The following SOX5 variants were observed in gnomAD, a reference collection of about 807,000 sequenced individuals.
SOX5 encodes SRY-box transcription factor 5.
Under a neutral mutation model 92.0 loss-of-function variants are expected in SOX5, and 9 were observed. The ratio of observed to expected loss-of-function variants is 0.10; its 90% CI spans 0.06 to 0.17. The LOEUF is 0.17. Ranked by LOEUF, SOX5 falls within the 10% of genes least tolerant of loss-of-function variation. The pLI, the probability that SOX5 is intolerant of heterozygous loss-of-function variation, is 1.00. For missense variants in SOX5, 642 were observed against 944.5 expected (o/e 0.68, Z 4.20); for synonymous variants, 344 against 336.3 (o/e 1.02, Z -0.25).
chr12:23,876,041 T>A (rs1054205101), intron 2 of SOX5, among the ~76,000 whole-genome samples: 1 of 152,210 alleles, frequency 6.6e-6, no homozygotes, highest in African/African-American at 2.4e-5. Context: ...CAGCAAGTTG[T>A]AGTTTGTTGA....
At chr12:23,799,727 T>C (rs2095628483) in intron 3 of SOX5, among the ~76,000 whole-genome samples, 1 of 152,024 alleles carries the variant, frequency 6.6e-6, no homozygotes, top group Non-Finnish European at 1.5e-5. Context: ...ATTTTCAGTA[T>C]TATTAATACT....
intron 2 of SOX5, among the ~76,000 whole-genome samples, chr12:24,349,912 G>T (rs1418074125): frequency 6.6e-6 from 1 of 152,064 alleles, no homozygotes; most frequent in Non-Finnish European, 1.5e-5. Context: ...CAGTGCATAC[G>T]AGTTCCAATT....
At chr12:24,373,694 A>T (rs920506532) in intron 1 of SOX5, among the ~76,000 whole-genome samples, 1 of 152,248 alleles carries the variant, frequency 6.6e-6, no homozygotes, top group African/African-American at 2.4e-5. Flanking sequence ...ATAGATATCT[A>T]TATGTAAGTA....
At chr12:24,222,157 T>C (rs535418947) in intron 3 of SOX5, among the ~76,000 whole-genome samples, 203 of 152,028 alleles carry the variant, frequency 1.3e-3, no homozygotes, top group Non-Finnish European at 2.5e-3. Flanking sequence ...GCTCCTCTTT[T>C]CCCCCCCACC....
chr12:23,916,134 T>C (rs2097413770), intron 1 of SOX5, among the ~76,000 whole-genome samples: 1 of 152,212 alleles, frequency 6.6e-6, no homozygotes, highest in Non-Finnish European at 1.5e-5. Flanking sequence ...TCAATCTATG[T>C]AGCTATTTAG....
chr12:23,751,101 T>G (rs2094167246), intron 4 of SOX5, among the ~76,000 whole-genome samples: 1 of 151,874 alleles, frequency 6.6e-6, no homozygotes. Flanking sequence ...AAAACAAGCT[T>G]AGTTAGATTA....
chr12:23,993,468 G>A (rs1479746957), intron 4 of SOX5, among the ~76,000 whole-genome samples: 2 of 152,112 alleles, frequency 1.3e-5, no homozygotes, highest in Non-Finnish European at 2.9e-5. Context: ...AGTCAATGCT[G>A]TAAAAGGAGA....
intron 2 of SOX5, among the ~76,000 whole-genome samples, chr12:24,296,687 G>A (rs546142186): frequency 2.5e-4 from 38 of 151,996 alleles, no homozygotes; most frequent in Non-Finnish European, 5.0e-4. Context: ...CAAATGTCAG[G>A]GCAGTGAAAG....
chr12:24,358,325 A>G (rs1361401629), intron 2 of SOX5, among the ~76,000 whole-genome samples: 1 of 152,234 alleles, frequency 6.6e-6, no homozygotes, highest in East Asian at 1.9e-4. Flanking sequence ...CCTTTTACCA[A>G]TAAGAAGCCT....
At chr12:24,005,909 T>C (rs1319385426) in intron 4 of SOX5, among the ~76,000 whole-genome samples, 2 of 152,226 alleles carry the variant, frequency 1.3e-5, no homozygotes, top group East Asian at 3.8e-4. Context: ...TGTATATTTA[T>C]TGCAGAAGCT....
At position 24,111,159 on chromosome 12, in the gene SOX5, C is replaced by T. The variant is rs77823209; in HGVS notation, c.-2+102184G>A. Among the ~76,000 whole-genome samples, 876 of 151,910 alleles carry T rather than the reference C, an allele frequency of 5.8e-3. 9 individuals carry two copies. The highest frequency in any genetic ancestry group is 0.02 in the African/African-American group (827 of 41,390). On this transcript the variant is annotated intron_variant, in intron 4 of 4. Transcript: ENST00000446891. The stretch of plus-strand genomic sequence containing the variant: ...ATGTCTCCAGACATTGCCAAATGTC[C>T]CACGGGAGGTAAAAATCACCCCCCA...
intron 2 of SOX5, among the ~76,000 whole-genome samples, chr12:24,358,489 A>G (rs1466695186): frequency 1.3e-5 from 2 of 152,038 alleles, no homozygotes; most frequent in African/African-American, 4.8e-5. Context: ...TTCGGCGCCA[A>G]TGGTCCCAGC....
At chr12:23,981,815 T>C (rs1949593792) in intron 4 of SOX5, among the ~76,000 whole-genome samples, 1 of 152,218 alleles carries the variant, frequency 6.6e-6, no homozygotes, top group Non-Finnish European at 1.5e-5. Flanking sequence ...ATCCAAGTTA[T>C]TCTTTCTAAT....
At chr12:23,904,875 T>C (rs2097275060) in intron 1 of SOX5, among the ~76,000 whole-genome samples, 1 of 152,212 alleles carries the variant, frequency 6.6e-6, no homozygotes, top group Non-Finnish European at 1.5e-5. Context: ...CTAGCATCAC[T>C]ACTTTTACCA....
intron 4 of SOX5, among the ~76,000 whole-genome samples, chr12:24,187,053 C>A (rs1281502858): frequency 6.6e-6 from 1 of 152,096 alleles, no homozygotes; most frequent in African/African-American, 2.4e-5. Flanking sequence ...AGTTTCCAAA[C>A]TGATTTCACA....
chr12:23,695,527 T>C (rs1209258088), intron 6 of SOX5, among the ~76,000 whole-genome samples: 1 of 152,220 alleles, frequency 6.6e-6, no homozygotes, highest in Non-Finnish European at 1.5e-5. Flanking sequence ...TGTCAAATGC[T>C]TTTTCTGCTT....
chr12:23,826,077 G>C (rs2096227470), intron 3 of SOX5, among the ~76,000 whole-genome samples: 1 of 151,948 alleles, frequency 6.6e-6, no homozygotes, highest in African/African-American at 2.4e-5. Context: ...ACAATGTGCA[G>C]GTTAGTTACA....
chr12:24,415,095 T>TC (rs1003618851), intron 1 of SOX5, among the ~76,000 whole-genome samples: 2 of 151,936 alleles, frequency 1.3e-5, no homozygotes, highest in Non-Finnish European at 2.9e-5. Context: ...TCTGTGTAAA[T>TC]CCCCCCCTGC....
At chr12:23,723,746 C>T (rs1352801680) in intron 6 of SOX5, among the ~76,000 whole-genome samples, 1 of 151,628 alleles carries the variant, frequency 6.6e-6, no homozygotes, top group Non-Finnish European at 1.5e-5. Context: ...AATGTATACA[C>T]AGAAATTAAT....
Sources: allele counts gnomAD v4.1 joint callset (sites outside exome capture counted in the v4.1 genomes callset), GRCh38; gene constraint gnomAD v4.1.1; transcripts MANE v1.5; gene names NCBI Gene and HGNC (gene_info 2026-07-23, HGNC 2026-07-21).